Variants in FNDC5 observed in about 807,000 individuals in gnomAD.
FNDC5 encodes the protein fibronectin type III domain-containing protein 5.
Under a neutral mutation model 24.6 loss-of-function variants are expected in FNDC5, and 10 were observed. The ratio of observed to expected loss-of-function variants is 0.41; its 90% CI spans 0.25 to 0.69. The LOEUF is 0.69. FNDC5 is among the 30% of genes least tolerant of loss of function. The probability of loss-of-function intolerance (pLI) is 0.34; values close to 1 mark genes in which losing one functional copy is unlikely to be tolerated. For synonymous variants in FNDC5, 90 were observed against 110.7 expected, an observed-to-expected ratio of 0.81 and a Z score of 1.18; for missense variants, 226 against 282.9, an observed-to-expected ratio of 0.80 and a Z score of 1.44.
At chr1:32,864,441 CTTTT>C in intron 5 of FNDC5, 142 bp from the exon 6 acceptor site, 5 of 1,364,188 alleles carry the variant, frequency 3.7e-6, no homozygotes, top group South Asian at 1.6e-5. Context: ...CCACTCACTG[CTTTT>C]TTTTTTTTTT....
intron 4 of FNDC5, among the ~76,000 whole-genome samples, chr1:32,865,639 GA>G (rs972665961): frequency 1.6e-4 from 25 of 152,154 alleles, no homozygotes; most frequent in Admixed American, 5.2e-4. Flanking sequence ...AACAGAGAGA[GA>G]CTCTGTCTCA....
In FNDC5 at chr1:32,864,065, C is replaced by T; in HGVS notation, c.*229G>A. ...CCAGCAGTCATCCCTCTGAGTGCAG[C>T]CTCAGCCACTGACATTGTTGAGGTG... is the stretch of plus-strand genomic sequence containing the variant. On this transcript the variant is annotated 3_prime_UTR_variant, in exon 6 of 6. Transcript: ENST00000373471. 6.9e-7 allele frequency: 1 copy of T among 1,459,204 alleles called. No individual in the cohort carries two copies. The allele number at this position is 1,459,204 out of a possible 1,614,324, so 90.4% of individuals were successfully genotyped here.
In FNDC5 at chr1:32,870,736, C is replaced by G. The variant is rs901949848; in HGVS notation, c.11G>C (p.Gly4Ala). 8.6e-7 allele frequency: 1 copy of G among 1,160,196 alleles called. No homozygotes were observed. Among genetic ancestry groups the G allele is most frequent in the Admixed American group, 4.7e-5 (1 of 21,118 alleles). 71.9% of individuals were successfully genotyped at this position (1,160,196 alleles called of 1,614,324 possible). ...GCGGGGCGGCCAGGCGCTCGGCGAC[C>G]CGGGGTGTATGGTGGCTCCTCCGGC... The change falls in exon 1 of 6, where the codon GGG (glycine) becomes GCG (alanine). Residue 4 changes from glycine to alanine, a missense_variant. Physicochemically the swap from Gly to Ala is moderately conservative, Grantham distance 60. Coordinates refer to ENST00000373471, the MANE Select transcript of FNDC5 (RefSeq NM_153756.3).
rs546674674 is a variant in FNDC5, at chr1:32,867,117, A to C, written c.499+636T>G. ...CAAAAAACAAAACAAACAAAAAAAA[A>C]CTTGGTCTTCATTCTCAGGGAGCTC... is the stretch of plus-strand genomic sequence containing the variant. On this transcript the variant is annotated intron_variant, in intron 4 of 5. Transcript: ENST00000373471. Among the ~76,000 whole-genome samples the C allele has an allele frequency of 2.6e-5, 4 of 152,290 alleles. No individual in the cohort carries two copies. In the East Asian group the frequency reaches 7.7e-4, roughly 29 times the overall value.
chr1:32,872,094 C>G (rs1306307119), upstream of FNDC5, among the ~76,000 whole-genome samples: 1 of 152,212 alleles, frequency 6.6e-6, no homozygotes, highest in Non-Finnish European at 1.5e-5. Context: ...CAGGGTCTTC[C>G]TCTCCATCCC....
intron 5 of FNDC5, 118 bp from the exon 6 acceptor site, chr1:32,864,417 G>GA (rs1641029473): frequency 7.9e-6 from 12 of 1,516,800 alleles, no homozygotes; most frequent in Non-Finnish European, 1.1e-5. Flanking sequence ...CGCCAACCAA[G>GA]AATTCTGCCC....
In FNDC5 at chr1:32,870,831, C is replaced by T. The variant is rs980810392; in HGVS notation, c.-85G>A. The T allele has an allele frequency of 5.0e-4, 210 of 416,844 alleles. No individual in the cohort carries two copies. Among genetic ancestry groups the T allele is most frequent in the African/African-American group, 4.4e-3 (197 of 45,128 alleles). 25.8% of individuals were successfully genotyped at this position (416,844 alleles called of 1,614,324 possible). ...GCGGCCGCTCGCGCTCGCGCTCCGG[C>T]CCCCGGCCCGGCCGGCCCGGCCGCT... On this transcript the variant is annotated 5_prime_UTR_variant, in exon 1 of 6. Transcript: ENST00000373471.
chr1:32,870,482 C>A (rs538879713), intron 1 of FNDC5, among the ~76,000 whole-genome samples, 171 bp downstream of exon 1: 13 of 151,908 alleles, frequency 8.6e-5, no homozygotes, highest in African/African-American at 3.1e-4. Flanking sequence ...AACTGAAGGA[C>A]AGGTCTGGGG....
rs1201456400 is a variant in FNDC5 at position 32,863,217 on chromosome 1, C to T, written c.*1077G>A. 1 of 155,924 alleles carries T rather than the reference C, an allele frequency of 6.4e-6. No homozygotes were observed. Among genetic ancestry groups the T allele is most frequent in the Non-Finnish European group, 1.4e-5 (1 of 70,112 alleles). 9.7% of individuals were successfully genotyped at this position (155,924 alleles called of 1,614,324 possible). A position where few individuals can be genotyped will look rare whatever the true frequency, so the allele number is the denominator to read the frequency against. ...TCTCTGCCCTCTAGAATGCAGCCTT[C>T]TGATTTTTGTTTTCCAAAAGAGACA... On this transcript the variant is annotated 3_prime_UTR_variant, in exon 6 of 6. Transcript: ENST00000373471.
chr1:32,864,189 G>A lies in FNDC5; in HGVS notation c.*105C>T. 1 of 1,610,042 alleles carries A rather than the reference G, an allele frequency of 6.2e-7. No individual in the cohort carries two copies. The highest frequency in any genetic ancestry group is 8.5e-7 in the Non-Finnish European group (1 of 1,177,742). On this transcript the variant is annotated 3_prime_UTR_variant, in exon 6 of 6. Transcript: ENST00000373471. The stretch of plus-strand genomic sequence containing the variant: ...AGGAGATGGAGGGAAGAGATGTAGA[G>A]AGGGCCAGATGTTTGTTGGATAATC...
At position 32,868,047 on chromosome 1, in the gene FNDC5, G is replaced by C; in HGVS notation, c.409+143C>G. ...ATGCTCAGCGTCTTGTCAGGGACTA[G>C]CGTGAACCCTCTCTCAGGTACTGCT... On this transcript the variant is annotated intron_variant, in intron 3 of 5. Coordinates refer to ENST00000373471, the MANE Select transcript of FNDC5 (RefSeq NM_153756.3). The surrounding 1 kb of genome is among the most constrained non-coding windows in gnomAD (Gnocchi z 4.8). 2 of 1,102,988 alleles carry C rather than the reference G, an allele frequency of 1.8e-6. No homozygotes were observed. The highest frequency in any genetic ancestry group is 2.7e-6 in the Non-Finnish European group (2 of 749,170). 68.3% of individuals were successfully genotyped at this position (1,102,988 alleles called of 1,614,324 possible).
At chr1:32,867,322 G>A (rs1641090048) in intron 4 of FNDC5, among the ~76,000 whole-genome samples, 1 of 152,166 alleles carries the variant, frequency 6.6e-6, no homozygotes, top group African/African-American at 2.4e-5. Context: ...AGCCATGGTG[G>A]CTGGGTCTAG....
chr1:32,869,354 G>A (rs538013460), intron 1 of FNDC5, among the ~76,000 whole-genome samples: 5 of 152,342 alleles, frequency 3.3e-5, no homozygotes, highest in African/African-American at 1.2e-4. Flanking sequence ...AGAAACTGAA[G>A]GTTAGCTGAT....
chr1:32,870,547 G>A, intron 1 of FNDC5, 106 bp downstream of exon 1: 4 of 614,816 alleles, frequency 6.5e-6, no homozygotes, highest in Non-Finnish European at 8.8e-6. Flanking sequence ...TGTTTGGGCC[G>A]AGACAGGAGT....
At position 32,868,255 on chromosome 1, in the gene FNDC5, G is replaced by A. The variant is rs1641110821; in HGVS notation, c.344C>T (p.Pro115Leu). 1 of 1,614,066 alleles carries A rather than the reference G, an allele frequency of 6.2e-7. No homozygotes were observed. The highest frequency in any genetic ancestry group is 1.1e-5 in the South Asian group (1 of 91,090). Residue 115 changes from proline to leucine, a missense_variant, in exon 3 of 6, where the codon CCA (proline) becomes CTA (leucine). By Grantham distance (98) the Pro-to-Leu change is moderately conservative. Coordinates refer to ENST00000373471, the MANE Select transcript of FNDC5 (RefSeq NM_153756.3). The surrounding 1 kb of genome is among the most constrained non-coding windows in gnomAD (Gnocchi z 4.8). ...CTTGAAGAGCACAGGCTCGCTGGCTGGGCTCTGGCCCTGAATGGAGATGGC... is the reference window on the plus strand; with the variant it reads ...CTTGAAGAGCACAGGCTCGCTGGCTAGGCTCTGGCCCTGAATGGAGATGGC...
At chr1:32,870,039 C>A (rs922085606) in intron 1 of FNDC5, among the ~76,000 whole-genome samples, 2 of 152,048 alleles carry the variant, frequency 1.3e-5, no homozygotes, top group Non-Finnish European at 2.9e-5. Flanking sequence ...TGCGAGAGAG[C>A]GCTCCCCGAG....
At chr1:32,864,592 C>A (rs988352401) in intron 5 of FNDC5, 72 bp downstream of exon 5, 3 of 1,605,624 alleles carry the variant, frequency 1.9e-6, no homozygotes, top group Non-Finnish European at 2.5e-6. Context: ...CGAGCTGACC[C>A]CCTCTGCAGT....
intron 4 of FNDC5, among the ~76,000 whole-genome samples, chr1:32,865,825 C>A (rs1641061070): frequency 2.0e-5 from 3 of 152,132 alleles, no homozygotes; most frequent in Admixed American, 1.3e-4. Context: ...TCCCAGGGTA[C>A]AAGTGAGGAC....
intron 4 of FNDC5, among the ~76,000 whole-genome samples, chr1:32,865,631 CAGAG>C (rs961553818): frequency 2.0e-5 from 3 of 152,038 alleles, no homozygotes; most frequent in African/African-American, 7.2e-5. Flanking sequence ...GCCTGGGCAA[CAGAG>C]AGAGACTCTG....
Sources: gnomAD v4.1 joint callset for allele counts (sites outside exome capture counted in the v4.1 genomes callset) on GRCh38, gnomAD v4.1.1 for gene constraint, Gnocchi (gnomAD v3.1) non-coding constraint, MANE v1.5 for transcripts, NCBI Gene and HGNC (gene_info 2026-07-23, HGNC 2026-07-21) for gene names.